The following PARD3 variants were observed in gnomAD, a reference collection of about 807,000 sequenced individuals.
PARD3 encodes partitioning defective 3 homolog.
PARD3 carries 75 observed loss-of-function variants against 155.4 expected under a neutral mutation model. The ratio of observed to expected loss-of-function variants is 0.48; its 90% CI spans 0.40 to 0.58. The LOEUF (loss-of-function observed/expected upper bound fraction) is 0.58, where lower values mean the gene tolerates loss of function less well. PARD3 is among the 20% of genes least tolerant of loss of function. The probability of loss-of-function intolerance (pLI) is 0.00; values close to 1 mark genes in which losing one functional copy is unlikely to be tolerated. For missense variants in PARD3, 1,642 were observed against 1,721.7 expected, an observed-to-expected ratio of 0.95 and a Z score of 0.82; for synonymous variants, 576 against 610.5, an observed-to-expected ratio of 0.94 and a Z score of 0.83.
intron 3 of PARD3, among the ~76,000 whole-genome samples, chr10:34,510,661 C>A (rs894196820): frequency 1.3e-5 from 2 of 151,940 alleles, no homozygotes; most frequent in Non-Finnish European, 2.9e-5. Flanking sequence ...CTTCAAACTA[C>A]TAAGAAGTGC....
intron 2 of PARD3, among the ~76,000 whole-genome samples, chr10:34,534,727 A>C (rs2083101749): frequency 6.6e-6 from 1 of 151,910 alleles, no homozygotes; most frequent in Non-Finnish European, 1.5e-5. Flanking sequence ...ATCCTAATTT[A>C]GGGCCAGGCA....
At chr10:34,480,851 G>T (rs1264653552) in intron 3 of PARD3, among the ~76,000 whole-genome samples, 1 of 145,182 alleles carries the variant, frequency 6.9e-6, no homozygotes, top group Non-Finnish European at 1.5e-5. Context: ...CACCAGCCTG[G>T]AGTGCAGTGG....
At chr10:34,354,800 C>G (rs768264522) in intron 14 of PARD3, among the ~76,000 whole-genome samples, 14 of 152,100 alleles carry the variant, frequency 9.2e-5, no homozygotes, top group Non-Finnish European at 1.8e-4. Context: ...TCCCAGTGGT[C>G]CCCATGATGG....
At chr10:34,569,985 G>A (rs941560509) in intron 2 of PARD3, among the ~76,000 whole-genome samples, 3 of 151,034 alleles carry the variant, frequency 2.0e-5, no homozygotes, top group African/African-American at 7.3e-5. Context: ...CAATGTTATC[G>A]TAAGACTTTT....
chr10:34,575,843 C>T (rs2086842525), intron 2 of PARD3, among the ~76,000 whole-genome samples: 1 of 152,022 alleles, frequency 6.6e-6, no homozygotes, highest in Non-Finnish European at 1.5e-5. Flanking sequence ...TTGCAGTGAG[C>T]CAAGATCACA....
chr10:34,665,384 G>A (rs544881312), intron 2 of PARD3, among the ~76,000 whole-genome samples: 2 of 151,754 alleles, frequency 1.3e-5, no homozygotes, highest in Non-Finnish European at 2.9e-5. Context: ...GCCAGGCGTG[G>A]TGGCACATGC....
At chr10:34,374,729 GT>G in intron 11 of PARD3, 144 bp downstream of exon 11, 1 of 769,758 alleles carries the variant, frequency 1.3e-6, no homozygotes, top group Non-Finnish European at 2.2e-6. Flanking sequence ...AGAAAAGAAT[GT>G]TTGTATTCAG....
At chr10:34,562,936 TA>T (rs2085621086) in intron 2 of PARD3, among the ~76,000 whole-genome samples, 1 of 151,870 alleles carries the variant, frequency 6.6e-6, no homozygotes, top group Admixed American at 6.6e-5. Context: ...CACGCCTGGC[TA>T]ATTTTTATAT....
chr10:34,773,207 T>G (rs942660449), intron 1 of PARD3, among the ~76,000 whole-genome samples: 2 of 152,252 alleles, frequency 1.3e-5, no homozygotes, highest in Non-Finnish European at 2.9e-5. Flanking sequence ...GCCCCACAAC[T>G]AATAACACTT....
intron 12 of PARD3, among the ~76,000 whole-genome samples, chr10:34,367,210 G>C (rs1451509112): frequency 6.6e-6 from 1 of 152,070 alleles, no homozygotes; most frequent in East Asian, 1.9e-4. Context: ...ATTAACAAAC[G>C]TAATAGGTTA....
intron 2 of PARD3, among the ~76,000 whole-genome samples, chr10:34,647,654 C>T (rs2133018461): frequency 6.6e-6 from 1 of 152,286 alleles, no homozygotes; most frequent in African/African-American, 2.4e-5. Context: ...ACGTGTAGCT[C>T]TTTTTTTCCA....
At chr10:34,259,784 A>G (rs1257264371) in intron 22 of PARD3, among the ~76,000 whole-genome samples, 1 of 152,186 alleles carries the variant, frequency 6.6e-6, no homozygotes, top group Non-Finnish European at 1.5e-5. Context: ...AGGGAAGCAA[A>G]TAGCTAGATG....
chr10:34,514,608 C>A (rs888076351), intron 3 of PARD3, among the ~76,000 whole-genome samples: 1 of 152,284 alleles, frequency 6.6e-6, no homozygotes. Context: ...AAAATGAGAA[C>A]AAGAAAATAA....
At chr10:34,157,730 T>C (rs569533871) in intron 22 of PARD3, among the ~76,000 whole-genome samples, 2 of 152,304 alleles carry the variant, frequency 1.3e-5, no homozygotes, top group African/African-American at 4.8e-5. Flanking sequence ...CTATTCCCAA[T>C]GACACATGCC....
At chr10:34,205,829 T>C (rs1001161350) in intron 22 of PARD3, among the ~76,000 whole-genome samples, 4 of 152,202 alleles carry the variant, frequency 2.6e-5, no homozygotes, top group Admixed American at 2.0e-4. Context: ...GCCATTGTAG[T>C]TGGCGGCAGG....
chr10:34,612,197 A>G (rs1176874163), intron 2 of PARD3, among the ~76,000 whole-genome samples: 1 of 152,138 alleles, frequency 6.6e-6, no homozygotes, highest in Non-Finnish European at 1.5e-5. Flanking sequence ...CTATACAGAA[A>G]CATAACCATA....
chr10:34,352,890 AG>A (rs1466869259), intron 14 of PARD3, among the ~76,000 whole-genome samples: 1 of 144,798 alleles, frequency 6.9e-6, no homozygotes, highest in Non-Finnish European at 1.5e-5. Context: ...CATCCCATCT[AG>A]GAAGTGAGGA....
chr10:34,199,661 T>C (rs1216033958), intron 22 of PARD3, among the ~76,000 whole-genome samples: 3 of 152,134 alleles, frequency 2.0e-5, no homozygotes, highest in Non-Finnish European at 4.4e-5. Flanking sequence ...TTTAAAAAAA[T>C]AGGAGTATCA....
At chr10:34,516,179 G>C (rs974581179) in intron 3 of PARD3, among the ~76,000 whole-genome samples, 1 of 152,026 alleles carries the variant, frequency 6.6e-6, no homozygotes, top group Admixed American at 6.6e-5. Flanking sequence ...CGGCCAGGCT[G>C]ATCTCAAACT....
Sources: gnomAD v4.1 joint callset for allele counts (sites outside exome capture counted in the v4.1 genomes callset) on GRCh38, gnomAD v4.1.1 for gene constraint, MANE v1.5 for transcripts, NCBI Gene and HGNC (gene_info 2026-07-23, HGNC 2026-07-21) for gene names.